CD8B2: variants seen among roughly 807,000 people sequenced by gnomAD.
The protein encoded by CD8B2 is T-cell surface glycoprotein CD8 beta-2 chain.
CD8B2 carries 11 observed loss-of-function variants against 23.7 expected under a neutral mutation model. The ratio of observed to expected loss-of-function variants is 0.46; its 90% CI spans 0.29 to 0.77. The LOEUF is 0.77. CD8B2 is among the 30% of genes least tolerant of loss of function. The pLI is 0.09. For synonymous variants in CD8B2, 90 were observed against 109.3 expected, an observed-to-expected ratio of 0.82 and a Z score of 1.10; for missense variants, 197 against 270.5, an observed-to-expected ratio of 0.73 and a Z score of 1.91.
chr2:106,530,998 A>G (rs1679983591), intron 5 of CD8B2, among the ~76,000 whole-genome samples: 1 of 152,232 alleles, frequency 6.6e-6, no homozygotes, highest in African/African-American at 2.4e-5. Context: ...ATAGGAAACC[A>G]GTAGCCCTCG....
At chr2:106,534,228 T>C (rs141543988) in intron 5 of CD8B2, among the ~76,000 whole-genome samples, 219 of 152,238 alleles carry the variant, frequency 1.4e-3, no homozygotes, top group Non-Finnish European at 2.9e-3. Flanking sequence ...ATGCAGTCAT[T>C]GGTTAGAAGG....
rs141988093 is a variant in CD8B2 at position 106,538,331 on chromosome 2, C to T, written c.621-5661C>T. 4.4e-3 allele frequency among the ~76,000 whole-genome samples: 663 copies of T among 152,298 alleles called. 1 individual carries two copies. The highest frequency in any genetic ancestry group is 7.6e-3 in the Non-Finnish European group (515 of 68,020). ...CTTCAGCCTATGTAGGCTATGTATA[C>T]ATGAAGAATATTCATCTTGTTGCTT... On this transcript the variant is annotated intron_variant, in intron 5 of 5. Coordinates refer to the CD8B2 transcript ENST00000416057.
chr2:106,515,829 C>CTTTT (rs5833191), downstream of CD8B2, among the ~76,000 whole-genome samples: 2 of 149,250 alleles, frequency 1.3e-5, no homozygotes, highest in Non-Finnish European at 1.5e-5. Flanking sequence ...TTAGACTCCT[C>CTTTT]TTTTTTTTTT....
At chr2:106,519,119 A>C (rs1386192559) in intron 5 of CD8B2, among the ~76,000 whole-genome samples, 1 of 152,170 alleles carries the variant, frequency 6.6e-6, no homozygotes, top group Non-Finnish European at 1.5e-5. Flanking sequence ...GATGTTTACA[A>C]ATTAGATGAT....
intron 5 of CD8B2, among the ~76,000 whole-genome samples, chr2:106,534,851 C>CT (rs904318781): frequency 2.0e-5 from 3 of 152,232 alleles, no homozygotes; most frequent in African/African-American, 7.2e-5. Flanking sequence ...CAGAGTCTTG[C>CT]TTTTTTGCCC....
chr2:106,519,526 C>A (rs75646493), intron 5 of CD8B2, among the ~76,000 whole-genome samples: 1 of 152,288 alleles, frequency 6.6e-6, no homozygotes, highest in South Asian at 2.1e-4. Flanking sequence ...TGATGGAGAG[C>A]GTTCCTGACT....
At chr2:106,494,631 C>A (rs568998656) in intron 2 of CD8B2, among the ~76,000 whole-genome samples, 1 of 152,210 alleles carries the variant, frequency 6.6e-6, no homozygotes, top group East Asian at 1.9e-4. Context: ...CCCTTCATCC[C>A]CAGTAGGCAT....
Position 106,508,333 on chromosome 2 carries a change from T to C in CD8B2, c.*1393T>C, listed in dbSNP as rs1679552404. On this transcript the variant is annotated 3_prime_UTR_variant, in exon 6 of 6. Transcript: ENST00000643224. The stretch of plus-strand genomic sequence containing the variant: ...TGTGACAACCACAGAATGTAAGAAA[T>C]GTTACAAAAAAAACAGGAAAGGAAA... 1 of 151,760 alleles carries C rather than the reference T, an allele frequency of 6.6e-6. No homozygotes were observed. The highest frequency in any genetic ancestry group is 1.5e-5 in the Non-Finnish European group (1 of 67,958). The allele number at this position is 151,760 out of a possible 1,614,324, so 9.4% of individuals were successfully genotyped here.
chr2:106,534,353 T>A (rs1021302551), intron 5 of CD8B2, among the ~76,000 whole-genome samples: 1 of 152,150 alleles, frequency 6.6e-6, no homozygotes, highest in Non-Finnish European at 1.5e-5. Context: ...CTAGTGCACT[T>A]ACAGCCTTAA....
Position 106,490,954 on chromosome 2 carries a change from G to A in CD8B2, c.124G>A (p.Glu42Lys), listed in dbSNP as rs1679183134. The A allele has an allele frequency of 1.6e-5, 26 of 1,613,830 alleles. No individual in the cohort carries two copies. The South Asian group carries it at 2.6e-4, about 16-fold the overall frequency. The stretch of plus-strand genomic sequence containing the variant: ...CAACAAGATGGTGATGCTGTCCTGC[G>A]AGGCTAAAATCTCCCTCAGTAACAT... Reference protein sequence around the residue: ...QTNKMVMLSCEAKISLSNMCI... With the variant: ...QTNKMVMLSCKAKISLSNMCI... Residue 42 changes from glutamate to lysine, a missense_variant, in exon 2 of 6, where the codon GAG (glutamate) becomes AAG (lysine). By Grantham distance (56) the Glu-to-Lys change is moderately conservative. Transcript: ENST00000643224.
At chr2:106,516,254 T>A (rs1192904917) in intron 5 of CD8B2, among the ~76,000 whole-genome samples, 6 of 152,180 alleles carry the variant, frequency 3.9e-5, no homozygotes, top group African/African-American at 1.2e-4. Context: ...ACATCCACAG[T>A]AGCTTTGCTG....
In CD8B2 at chr2:106,489,383, T is replaced by C. The variant is rs539239787; in HGVS notation, c.44-1491T>C. On this transcript the variant is annotated intron_variant, in intron 1 of 5. Transcript: ENST00000643224. ...AAAAAGTCGAAGTTCATTTCATCAG[T>C]GTTGGAGAAGGCCATTATGGGGCCA... Among the ~76,000 whole-genome samples, 31 of 151,742 alleles carry C rather than the reference T, an allele frequency of 2.0e-4. 2 individuals are homozygous for C. The East Asian group carries it at 6.1e-3, about 30-fold the overall frequency.
chr2:106,524,194 G>A (rs10174092), intron 5 of CD8B2, among the ~76,000 whole-genome samples: 75,127 of 151,954 alleles, frequency 0.49, 18,897 homozygotes, highest in Non-Finnish European at 0.54. Context: ...TGGCTTCCTG[G>A]GCTGGTTATT....
chr2:106,519,151 A>T (rs1679779709), intron 5 of CD8B2, among the ~76,000 whole-genome samples: 1 of 152,234 alleles, frequency 6.6e-6, no homozygotes, highest in Non-Finnish European at 1.5e-5. Flanking sequence ...TACACTTACA[A>T]CAATAAGATT....
chr2:106,490,200 C>T (rs905246396), intron 1 of CD8B2, among the ~76,000 whole-genome samples: 5 of 152,020 alleles, frequency 3.3e-5, no homozygotes, highest in Admixed American at 2.0e-4. Flanking sequence ...TGGAGCCTAC[C>T]GAAGGGCTGT....
Position 106,496,180 on chromosome 2 carries a change from C to T in CD8B2, c.411C>T (p.Phe137=). ...GKGTQLSVVD[F]LPTTAQPTKK... is the part of the protein sequence containing the mutation. ...CTTGCTTTCTTTCTGTAGTTGATTT[C>T]CTTCCCACCACTGCCCAGCCCACCA... is the stretch of plus-strand genomic sequence containing the variant. Residue 137 remains phenylalanine, a synonymous_variant, in exon 3 of 6, where the codon TTC becomes TTT. Transcript: ENST00000643224. 6 of 1,544,952 alleles carry T rather than the reference C, an allele frequency of 3.9e-6. No individual in the cohort carries two copies. The highest frequency in any genetic ancestry group is 1.2e-5 in the South Asian group (1 of 83,592).
intron 5 of CD8B2, among the ~76,000 whole-genome samples, chr2:106,537,814 C>T (rs539284743): frequency 2.0e-4 from 30 of 152,224 alleles, no homozygotes; most frequent in Admixed American, 2.6e-4. Context: ...AAAGTTAGCA[C>T]GAAGGAAAAA....
intron 1 of CD8B2, among the ~76,000 whole-genome samples, chr2:106,488,680 A>G (rs1218806858): frequency 6.6e-6 from 1 of 152,186 alleles, no homozygotes; most frequent in African/African-American, 2.4e-5. Flanking sequence ...TTTAATCTGG[A>G]TCACTGTGTG....
At chr2:106,505,120 G>A (rs1679480759) in intron 5 of CD8B2, among the ~76,000 whole-genome samples, 1 of 152,158 alleles carries the variant, frequency 6.6e-6, no homozygotes, top group South Asian at 2.1e-4. Flanking sequence ...ATTAGGTCCT[G>A]GGTCTTTCAT....
Sources: gnomAD v4.1 joint callset for allele counts (sites outside exome capture counted in the v4.1 genomes callset) on GRCh38, gnomAD v4.1.1 for gene constraint, MANE v1.5 for transcripts, NCBI Gene and HGNC (gene_info 2026-07-23, HGNC 2026-07-21) for gene names.